The following CSMD3 variants were observed in gnomAD, a reference collection of about 807,000 sequenced individuals.
CSMD3 encodes the protein CUB and Sushi multiple domains 3.
CSMD3 carries 177 observed loss-of-function variants against 435.2 expected under a neutral mutation model. The observed-to-expected ratio is 0.41, with a 90% CI of 0.36 to 0.46. The LOEUF (loss-of-function observed/expected upper bound fraction) is 0.46. Ranked by LOEUF, CSMD3 falls within the 20% of genes least tolerant of loss-of-function variation. The pLI, the probability that CSMD3 is intolerant of heterozygous loss-of-function variation, is 0.34. For synonymous variants in CSMD3, 1,656 were observed against 1,520.5 expected (o/e 1.09, Z -2.07); for missense variants, 4,265 against 4,504.6 (o/e 0.95, Z 1.52).
In CSMD3 at chr8:112,485,871, T is replaced by A. The variant is rs75616929; in HGVS notation, c.5278+6618A>T. 6.6e-5 allele frequency among the ~76,000 whole-genome samples: 10 copies of A among 152,070 alleles called. No homozygotes were observed. In the East Asian group the frequency reaches 1.7e-3, roughly 26 times the overall value. On this transcript the variant is annotated intron_variant, in intron 31 of 70. Coordinates refer to ENST00000297405, the MANE Select transcript of CSMD3 (RefSeq NM_198123.2). ...TGCCAGAAGACCGCTGGATGTCTAA[T>A]CTTAACATATTTGTGTTTAGGCACT...
At chr8:112,744,859 T>G (rs1472061022) in intron 13 of CSMD3, among the ~76,000 whole-genome samples, 1 of 152,122 alleles carries the variant, frequency 6.6e-6, no homozygotes, top group African/African-American at 2.4e-5. Context: ...CAGACTGGTC[T>G]GGCTAGAGAA....
chr8:113,167,402 T>C (rs1235505526), intron 4 of CSMD3, among the ~76,000 whole-genome samples: 1 of 152,146 alleles, frequency 6.6e-6, no homozygotes, highest in Non-Finnish European at 1.5e-5. Flanking sequence ...GTTTTTGACA[T>C]AAGAAATAAC....
intron 16 of CSMD3, among the ~76,000 whole-genome samples, chr8:112,671,695 C>CTGAGACTCAAA: frequency 6.6e-6 from 1 of 152,060 alleles, no homozygotes; most frequent in Non-Finnish European, 1.5e-5. Context: ...AGCGGCAGAG[C>CTGAGACTCAAA]TGAGACTCAA....
intron 32 of CSMD3, among the ~76,000 whole-genome samples, chr8:112,452,973 T>C (rs1816452266): frequency 6.6e-6 from 1 of 152,332 alleles, no homozygotes; most frequent in Non-Finnish European, 1.5e-5. Flanking sequence ...TTAAAATTAA[T>C]TGAGCGTTTT....
chr8:112,688,093 C>T (rs1376580002), intron 14 of CSMD3, among the ~76,000 whole-genome samples: 3 of 152,122 alleles, frequency 2.0e-5, no homozygotes, highest in Admixed American at 6.6e-5. Context: ...GGCAGCCATG[C>T]ACAATCAGTA....
chr8:113,184,262 G>A (rs551002026), intron 3 of CSMD3, among the ~76,000 whole-genome samples: 4 of 152,100 alleles, frequency 2.6e-5, no homozygotes, highest in South Asian at 2.1e-4. Flanking sequence ...CTATCTGGAA[G>A]CACTTCATGC....
rs531027491 is a variant in CSMD3, at chr8:113,241,702, A to T, written c.514+36890T>A. On this transcript the variant is annotated intron_variant, in intron 3 of 70. Coordinates refer to ENST00000297405, the MANE Select transcript of CSMD3 (RefSeq NM_198123.2). The stretch of plus-strand genomic sequence containing the variant: ...AAAAGAAAACACTTTAAAATCTCTC[A>T]GTAATAGAGGTAACACCTAAAGTAT... Among the ~76,000 whole-genome samples the T allele has an allele frequency of 5.3e-5, 8 of 152,086 alleles. No homozygotes were observed. In the East Asian group the frequency reaches 1.5e-3, roughly 29 times the overall value.
intron 56 of CSMD3, among the ~76,000 whole-genome samples, chr8:112,290,967 C>T (rs1253866030): frequency 3.3e-5 from 5 of 152,014 alleles, no homozygotes; most frequent in African/African-American, 1.2e-4. Context: ...GTACATTCTA[C>T]AACTCCTATC....
At chr8:112,623,019 G>T (rs1227352006) in intron 22 of CSMD3, among the ~76,000 whole-genome samples, 1 of 152,042 alleles carries the variant, frequency 6.6e-6, no homozygotes. Context: ...CTATTACAGG[G>T]CTGCTGTTCA....
intron 32 of CSMD3, among the ~76,000 whole-genome samples, chr8:112,466,471 A>C (rs1189609873): frequency 5.3e-5 from 8 of 152,172 alleles, no homozygotes; most frequent in Admixed American, 5.2e-4. Context: ...TTTTAAGGAA[A>C]AATATACACA....
At chr8:112,570,668 A>T (rs1829428482) in intron 24 of CSMD3, among the ~76,000 whole-genome samples, 1 of 152,230 alleles carries the variant, frequency 6.6e-6, no homozygotes, top group Admixed American at 6.5e-5. Context: ...AAGAATTGCC[A>T]CTGTAAAAAT....
At chr8:112,969,125 C>G (rs1436392634) in intron 7 of CSMD3, among the ~76,000 whole-genome samples, 2 of 151,902 alleles carry the variant, frequency 1.3e-5, no homozygotes, top group Non-Finnish European at 2.9e-5. Context: ...GTTCTTGAAT[C>G]AAATTTGTGA....
intron 24 of CSMD3, among the ~76,000 whole-genome samples, chr8:112,559,216 T>G (rs1165523668): frequency 6.6e-6 from 1 of 151,954 alleles, no homozygotes; most frequent in Non-Finnish European, 1.5e-5. Flanking sequence ...TGTTTACATT[T>G]CAATGAAGAA....
intron 11 of CSMD3, among the ~76,000 whole-genome samples, chr8:112,853,849 T>C (rs2080568517): frequency 6.6e-6 from 1 of 152,170 alleles, no homozygotes; most frequent in African/African-American, 2.4e-5. Flanking sequence ...CCTTTGATAT[T>C]TGGGTTAGAA....
At chr8:112,674,503 T>C (rs868767683) in intron 16 of CSMD3, among the ~76,000 whole-genome samples, 6 of 152,098 alleles carry the variant, frequency 3.9e-5, no homozygotes, top group Admixed American at 1.3e-4. Flanking sequence ...CCTTTTGTAG[T>C]TGCCTGTCTG....
At chr8:112,460,317 GAATT>G (rs1405092766) in intron 32 of CSMD3, among the ~76,000 whole-genome samples, 1 of 151,918 alleles carries the variant, frequency 6.6e-6, no homozygotes, top group African/African-American at 2.4e-5. Context: ...AATGAGGTTA[GAATT>G]ATTTATAGCA....
intron 17 of CSMD3, among the ~76,000 whole-genome samples, chr8:112,662,106 T>A (rs1403230518): frequency 6.6e-6 from 1 of 152,094 alleles, no homozygotes; most frequent in Admixed American, 6.6e-5. Flanking sequence ...CCAAGGTAAT[T>A]TATAGATTCA....
At chr8:113,279,860 C>A (rs1715211119) in intron 2 of CSMD3, among the ~76,000 whole-genome samples, 1 of 151,496 alleles carries the variant, frequency 6.6e-6, no homozygotes, top group South Asian at 2.1e-4. Context: ...TATTAAACAT[C>A]TTTTTCTCCT....
At chr8:113,300,400 CAG>C (rs1332552047) in intron 2 of CSMD3, among the ~76,000 whole-genome samples, 2 of 152,066 alleles carry the variant, frequency 1.3e-5, no homozygotes, top group Non-Finnish European at 2.9e-5. Flanking sequence ...ATGTTCACTG[CAG>C]TACTATTCCC....
Sources: gnomAD v4.1 joint callset for allele counts (sites outside exome capture counted in the v4.1 genomes callset) on GRCh38, gnomAD v4.1.1 for gene constraint, MANE v1.5 for transcripts, NCBI Gene and HGNC (gene_info 2026-07-23, HGNC 2026-07-21) for gene names.